The following ZDHHC11B variants were observed in gnomAD, a reference collection of about 807,000 sequenced individuals.
The protein encoded by ZDHHC11B is probable palmitoyltransferase ZDHHC11B.
A neutral mutation model predicts 42.3 loss-of-function variants in ZDHHC11B; 17 were observed. The observed-to-expected ratio is 0.40, with a 90% CI of 0.27 to 0.60. ZDHHC11B has a LOEUF of 0.60. Among genes scored for constraint, ZDHHC11B ranks in the 20% least tolerant of loss-of-function variants. The probability of loss-of-function intolerance (pLI) is 0.41; values close to 1 mark genes in which losing one functional copy is unlikely to be tolerated. For missense variants in ZDHHC11B, 262 were observed against 463.2 expected (o/e 0.57, Z 3.99); for synonymous variants, 123 against 193.5 (o/e 0.64, Z 3.02).
chr5:763,165 C>T (rs1241118938), intron 4 of ZDHHC11B, among the ~76,000 whole-genome samples: 2 of 151,764 alleles, frequency 1.3e-5, no homozygotes, highest in African/African-American at 2.4e-5. Flanking sequence ...GTCAGGAGTT[C>T]AAGACCAGAC....
chr5:766,977 C>T lies in ZDHHC11B; in HGVS notation c.1-58G>A, dbSNP rs780724874. On this transcript the variant is annotated intron_variant, in intron 3 of 13. Coordinates refer to ENST00000508859, the MANE Select transcript of ZDHHC11B (RefSeq NM_001351303.2). ...TCAGCTCCGGGGAGGGCCGGCCCCA[C>T]CCACTGTCAGGGAGACCACGGGGAC... 5.1e-6 allele frequency: 8 copies of T among 1,576,260 alleles called. 1 individual carries two copies. The highest frequency in any genetic ancestry group is 1.7e-4 in the Middle Eastern group (1 of 5,950).
chr5:751,475 G>A (rs1288813580), intron 6 of ZDHHC11B, among the ~76,000 whole-genome samples: 2 of 35,184 alleles, frequency 5.7e-5, no homozygotes, highest in Non-Finnish European at 7.6e-5. Flanking sequence ...AGGCAGGGGC[G>A]GGGGCATGCA....
intron 4 of ZDHHC11B, among the ~76,000 whole-genome samples, chr5:760,951 G>A (rs1425460712): frequency 2.0e-5 from 3 of 151,714 alleles, no homozygotes; most frequent in Non-Finnish European, 2.9e-5. Context: ...CCCAGGTGGT[G>A]GAGCAAGACA....
rs766062948 is a variant in ZDHHC11B, at chr5:733,856, G to GAGGAGAGA, written c.936-25_936-18dup. The GAGGAGAGA allele has an allele frequency of 1.4e-5, 22 of 1,599,092 alleles. 1 individual carries two copies. The Admixed American group carries it at 2.7e-4, about 20-fold the overall frequency. On this transcript the variant is annotated splice_polypyrimidine_tract_variant and intron_variant, in intron 10 of 13. Coordinates refer to ENST00000508859, the MANE Select transcript of ZDHHC11B (RefSeq NM_001351303.2). ...GCCTTGACTCTGGTGGGACAGGAAGGAGGAGAGAAACTCATCTCAGCTTTG... is the reference window on the plus strand; with the variant it reads ...GCCTTGACTCTGGTGGGACAGGAAGGAGGAGAGAAGGAGAGAAACTCATCTCAGCTTTG...
At chr5:712,684 T>G (rs987343859) in intron 13 of ZDHHC11B, among the ~76,000 whole-genome samples, 2 of 150,536 alleles carry the variant, frequency 1.3e-5, no homozygotes, top group Non-Finnish European at 3.0e-5. Flanking sequence ...CCGAGGCGGG[T>G]GGATCATGAG....
intron 1 of ZDHHC11B, among the ~76,000 whole-genome samples, chr5:770,972 G>A (rs1249501351): frequency 6.6e-6 from 1 of 151,894 alleles, no homozygotes; most frequent in East Asian, 1.9e-4. Context: ...ATGGGCTTCG[G>A]TAAGACCCAG....
At chr5:763,889 A>G (rs1734945105) in intron 4 of ZDHHC11B, among the ~76,000 whole-genome samples, 1 of 151,912 alleles carries the variant, frequency 6.6e-6, no homozygotes, top group South Asian at 2.1e-4. Context: ...TCGGATACAC[A>G]TGCATGTGAG....
At chr5:715,855 A>G (rs1340022921) in intron 13 of ZDHHC11B, among the ~76,000 whole-genome samples, 1 of 151,534 alleles carries the variant, frequency 6.6e-6, no homozygotes, top group Non-Finnish European at 1.5e-5. Context: ...TCAGGGCTCT[A>G]TGGCACCCAG....
chr5:726,186 T>C (rs1742591812), intron 12 of ZDHHC11B, among the ~76,000 whole-genome samples: 1 of 151,556 alleles, frequency 6.6e-6, no homozygotes, highest in South Asian at 2.1e-4. Flanking sequence ...ATTAGCAACA[T>C]CACACCTCAC....
chr5:749,986 G>C (rs1745391253), intron 7 of ZDHHC11B, among the ~76,000 whole-genome samples: 1 of 115,512 alleles, frequency 8.7e-6, no homozygotes, highest in African/African-American at 3.0e-5. Context: ...GGAGCTTTAG[G>C]GACTTCCACG....
At chr5:754,594 T>C (rs1746346609) in intron 6 of ZDHHC11B, among the ~76,000 whole-genome samples, 1 of 130,954 alleles carries the variant, frequency 7.6e-6, no homozygotes, top group African/African-American at 2.5e-5. Context: ...GCCTCCACCA[T>C]GCTCAGGGGA....
rs367773227 is a variant in ZDHHC11B at position 711,761 on chromosome 5, T to C, written c.*529A>G. 19 of 134,572 alleles carry C rather than the reference T, an allele frequency of 1.4e-4. 1 individual carries two copies. The highest frequency in any genetic ancestry group is 2.4e-4 in the Non-Finnish European group (15 of 61,812). 8.3% of individuals were successfully genotyped at this position (134,572 alleles called of 1,614,324 possible). A position where few individuals can be genotyped will look rare whatever the true frequency, so the allele number is the denominator to read the frequency against. On this transcript the variant is annotated 3_prime_UTR_variant, in exon 14 of 14. Transcript: ENST00000508859. ...CCCAGCACTGTGCTCCCATTTCCCA[T>C]TACTGTGCTCCCATTTCCCAGCACT... is the stretch of plus-strand genomic sequence containing the variant.
intron 6 of ZDHHC11B, among the ~76,000 whole-genome samples, chr5:751,722 C>A (rs1745791027): frequency 7.8e-6 from 1 of 128,194 alleles, no homozygotes; most frequent in African/African-American, 2.5e-5. Context: ...AGCTCAGGCT[C>A]CTGTCTCTGT....
At chr5:724,501 G>A (rs1425136518) in intron 12 of ZDHHC11B, among the ~76,000 whole-genome samples, 43 of 138,928 alleles carry the variant, frequency 3.1e-4, no homozygotes, top group Admixed American at 9.3e-4. Flanking sequence ...TCAGCCTCCC[G>A]AGTAGCTGGG....
intron 1 of ZDHHC11B, among the ~76,000 whole-genome samples, chr5:780,328 G>A (rs1736869317): frequency 6.6e-6 from 1 of 150,460 alleles, no homozygotes; most frequent in Non-Finnish European, 1.5e-5. Flanking sequence ...CAAGAAAGGG[G>A]AACCGCGTGG....
At chr5:757,295 G>A (rs1733995663) in intron 4 of ZDHHC11B, among the ~76,000 whole-genome samples, 1 of 151,912 alleles carries the variant, frequency 6.6e-6, no homozygotes, top group African/African-American at 2.4e-5. Context: ...GCACAGCGCT[G>A]TCCTCCTTGG....
chr5:714,253 G>A (rs1277425733), intron 13 of ZDHHC11B, among the ~76,000 whole-genome samples: 2 of 137,316 alleles, frequency 1.5e-5, no homozygotes, highest in Non-Finnish European at 3.1e-5. Context: ...TTATGCCATC[G>A]GTCTGTATTC....
In ZDHHC11B at chr5:753,887, G is replaced by C. The variant is rs1298663028; in HGVS notation, c.503+1111C>G. 1.5e-4 allele frequency among the ~76,000 whole-genome samples: 22 copies of C among 146,152 alleles called. 1 individual carries two copies. Among genetic ancestry groups the C allele is most frequent in the African/African-American group, 5.2e-4 (21 of 40,488 alleles). On this transcript the variant is annotated intron_variant, in intron 6 of 13. Transcript: ENST00000508859. ...CCCACGCACACCAAGGCCTCTTTCA[G>C]GTCAGCACAGAGTAGCTGGGGAGCA... is the stretch of plus-strand genomic sequence containing the variant.
chr5:743,584 C>G (rs2127050019), intron 9 of ZDHHC11B, among the ~76,000 whole-genome samples: 1 of 149,636 alleles, frequency 6.7e-6, no homozygotes, highest in South Asian at 2.2e-4. Context: ...TCTGACTTCT[C>G]TCAGTCATGG....
Sources: gnomAD v4.1 joint callset for allele counts (sites outside exome capture counted in the v4.1 genomes callset) on GRCh38, gnomAD v4.1.1 for gene constraint, MANE v1.5 for transcripts, NCBI Gene and HGNC (gene_info 2026-07-23, HGNC 2026-07-21) for gene names.